CNTNAP2: variants seen among roughly 807,000 people sequenced by gnomAD.
The protein encoded by CNTNAP2 is contactin-associated protein-like 2.
A neutral mutation model predicts 155.2 loss-of-function variants in CNTNAP2; 98 were observed. The ratio of observed to expected loss-of-function variants is 0.63; its 90% CI spans 0.54 to 0.75. The LOEUF (loss-of-function observed/expected upper bound fraction) is 0.75, where lower values mean the gene tolerates loss of function less well. CNTNAP2 is among the 30% of genes least tolerant of loss of function. The pLI, the probability that CNTNAP2 is intolerant of heterozygous loss-of-function variation, is 0.00. For synonymous variants in CNTNAP2, 651 were observed against 631.2 expected (o/e 1.03, Z -0.47); for missense variants, 1,727 against 1,688.1 (o/e 1.02, Z -0.40).
intron 3 of CNTNAP2, among the ~76,000 whole-genome samples, chr7:147,016,223 C>T (rs758429223): frequency 6.6e-6 from 1 of 151,286 alleles, no homozygotes; most frequent in Non-Finnish European, 1.5e-5. Context: ...TGAGCACTGT[C>T]AGTCTTTTAA....
At chr7:147,716,140 T>G (rs1796478426) in intron 13 of CNTNAP2, among the ~76,000 whole-genome samples, 1 of 152,174 alleles carries the variant, frequency 6.6e-6, no homozygotes, top group Admixed American at 6.6e-5. Flanking sequence ...ATATAGCATG[T>G]ATCCACCTAC....
chr7:146,593,538 C>G (rs1252440618), intron 1 of CNTNAP2, among the ~76,000 whole-genome samples: 1 of 152,068 alleles, frequency 6.6e-6, no homozygotes, highest in African/African-American at 2.4e-5. Flanking sequence ...CCACCACTGC[C>G]ATCTCAGCCC....
At chr7:146,438,749 A>G (rs1796278422) in intron 1 of CNTNAP2, among the ~76,000 whole-genome samples, 1 of 151,582 alleles carries the variant, frequency 6.6e-6, no homozygotes, top group Non-Finnish European at 1.5e-5. Flanking sequence ...GTTGTACAAT[A>G]TAATTTCTAA....
intron 13 of CNTNAP2, among the ~76,000 whole-genome samples, chr7:147,720,986 A>G (rs1239063462): frequency 6.6e-6 from 1 of 152,084 alleles, no homozygotes; most frequent in Admixed American, 6.6e-5. Context: ...ATTCCCAAAT[A>G]TGTTGAATTA....
intron 7 of CNTNAP2, among the ~76,000 whole-genome samples, chr7:147,130,649 G>C (rs1430259480): frequency 6.6e-6 from 1 of 152,110 alleles, no homozygotes; most frequent in Non-Finnish European, 1.5e-5. Context: ...ACCCTGCAAA[G>C]ACAAGTGTTT....
intron 3 of CNTNAP2, among the ~76,000 whole-genome samples, chr7:147,034,873 A>G (rs1055118537): frequency 3.3e-5 from 5 of 152,150 alleles, no homozygotes; most frequent in African/African-American, 1.2e-4. Context: ...TTTTGTAGGC[A>G]CAGGATGAAG....
At chr7:147,270,634 T>C (rs1333967197) in intron 8 of CNTNAP2, among the ~76,000 whole-genome samples, 1 of 152,186 alleles carries the variant, frequency 6.6e-6, no homozygotes, top group East Asian at 1.9e-4. Context: ...TCTTAGGGCA[T>C]CTGCATTTTA....
chr7:148,379,885 C>G (rs1298228137), intron 21 of CNTNAP2, among the ~76,000 whole-genome samples: 3 of 152,320 alleles, frequency 2.0e-5, no homozygotes, highest in Non-Finnish European at 4.4e-5. Context: ...TTTCTCACAA[C>G]ACTCCCGCCT....
In CNTNAP2 at chr7:148,142,091, C is replaced by CTG. The variant is rs1193809306; in HGVS notation, c.2555-5399_2555-5398insGT. ...GTGGTTGTTAAGAGTAGAGATATGTCTCTGTGTGTGTGTGTGTGTGTGTGT... is the reference window on the plus strand; with the variant it reads ...GTGGTTGTTAAGAGTAGAGATATGTCTGTCTGTGTGTGTGTGTGTGTGTGTGT... On this transcript the variant is annotated intron_variant, in intron 16 of 23. Transcript: ENST00000361727. 7.0e-5 allele frequency among the ~76,000 whole-genome samples: 7 copies of CTG among 100,020 alleles called. No individual in the cohort carries two copies. In the East Asian group the frequency reaches 1.5e-3, roughly 21 times the overall value. 65.6% of individuals were successfully genotyped at this position (100,020 alleles called of 152,430 possible).
At chr7:146,716,558 G>T (rs1226682910) in intron 1 of CNTNAP2, among the ~76,000 whole-genome samples, 1 of 152,150 alleles carries the variant, frequency 6.6e-6, no homozygotes, top group Admixed American at 6.6e-5. Context: ...TGTTGTATTT[G>T]CCCTTTGTAC....
intron 13 of CNTNAP2, among the ~76,000 whole-genome samples, chr7:147,864,835 A>G (rs1034837571): frequency 9.9e-5 from 15 of 152,156 alleles, no homozygotes; most frequent in Non-Finnish European, 2.1e-4. Flanking sequence ...GGCTGAGACG[A>G]TAGGGTTTTC....
At chr7:146,449,470 T>G (rs1436000265) in intron 1 of CNTNAP2, among the ~76,000 whole-genome samples, 1 of 152,162 alleles carries the variant, frequency 6.6e-6, no homozygotes, top group East Asian at 1.9e-4. Context: ...CAGGTCCCTA[T>G]GTCCCCAATG....
intron 1 of CNTNAP2, among the ~76,000 whole-genome samples, chr7:146,627,657 G>A (rs1409915636): frequency 2.0e-5 from 3 of 152,048 alleles, no homozygotes; most frequent in Non-Finnish European, 4.4e-5. Context: ...GACCTTCACA[G>A]TATACATTTT....
chr7:146,712,364 A>AT (rs1801108472), intron 1 of CNTNAP2, among the ~76,000 whole-genome samples: 2 of 138,816 alleles, frequency 1.4e-5, no homozygotes, highest in African/African-American at 5.8e-5. Context: ...TATACTATAT[A>AT]GTATACATAT....
At chr7:146,216,524 C>A (rs1337762224) in intron 1 of CNTNAP2, among the ~76,000 whole-genome samples, 1 of 152,134 alleles carries the variant, frequency 6.6e-6, no homozygotes, top group South Asian at 2.1e-4. Context: ...GTTTCAGAAG[C>A]AACTGCCGAT....
intron 4 of CNTNAP2, among the ~76,000 whole-genome samples, chr7:147,102,901 T>G (rs1301755958): frequency 6.6e-6 from 1 of 152,146 alleles, no homozygotes; most frequent in Non-Finnish European, 1.5e-5. Flanking sequence ...TTTAAAATAA[T>G]GGAATACATT....
At chr7:146,774,661 T>C (rs1802356712) in intron 2 of CNTNAP2, among the ~76,000 whole-genome samples, 1 of 152,168 alleles carries the variant, frequency 6.6e-6, no homozygotes, top group African/African-American at 2.4e-5. Flanking sequence ...CATAAACGTT[T>C]AGAGTTAAAA....
chr7:146,872,894 A>G (rs1042406374), intron 3 of CNTNAP2, among the ~76,000 whole-genome samples: 1 of 152,186 alleles, frequency 6.6e-6, no homozygotes, highest in Admixed American at 6.5e-5. Context: ...AATTCATTTT[A>G]GCCAATGTTT....
intron 1 of CNTNAP2, among the ~76,000 whole-genome samples, chr7:146,282,051 G>A (rs902474321): frequency 2.0e-5 from 3 of 151,502 alleles, no homozygotes; most frequent in Non-Finnish European, 4.4e-5. Flanking sequence ...AGGAAGAGGA[G>A]AAAGAAAAAG....
Sources: allele counts gnomAD v4.1 joint callset (sites outside exome capture counted in the v4.1 genomes callset), GRCh38; gene constraint gnomAD v4.1.1; transcripts MANE v1.5; gene names NCBI Gene and HGNC (gene_info 2026-07-23, HGNC 2026-07-21).